UCHL3: variants seen among roughly 807,000 people sequenced by gnomAD.
UCHL3 encodes the protein ubiquitin C-terminal hydrolase L3.
A neutral mutation model predicts 35.8 loss-of-function variants in UCHL3; 22 were observed. That is an observed-to-expected ratio of 0.61 (90% CI 0.44 to 0.88). The LOEUF is 0.88. UCHL3 is among the 40% of genes least tolerant of loss of function. The probability of loss-of-function intolerance (pLI) is 0.00; values close to 1 mark genes in which losing one functional copy is unlikely to be tolerated. For missense variants in UCHL3, 229 were observed against 276.9 expected (o/e 0.83, Z 1.23); for synonymous variants, 90 against 92.8 (o/e 0.97, Z 0.17).
At chr13:75,593,125 C>A (rs1007239609) in intron 6 of UCHL3, among the ~76,000 whole-genome samples, 1 of 152,046 alleles carries the variant, frequency 6.6e-6, no homozygotes, top group East Asian at 1.9e-4. Flanking sequence ...TTTATGAAAG[C>A]ATAAAGTTTA....
At chr13:75,567,149 C>T (rs2031710661) in intron 4 of UCHL3, 78 bp from the exon 5 acceptor site, 2 of 1,294,638 alleles carry the variant, frequency 1.5e-6, no homozygotes, top group Non-Finnish European at 2.2e-6. Flanking sequence ...AAAATAGTAG[C>T]ATACTTCTAG....
intron 3 of UCHL3, among the ~76,000 whole-genome samples, chr13:75,564,036 G>A (rs745318079): frequency 2.6e-5 from 4 of 151,978 alleles, no homozygotes; most frequent in Non-Finnish European, 4.4e-5. Context: ...TACATTCAGG[G>A]TACTATGGTC....
chr13:75,579,515 C>G (rs931832972), intron 6 of UCHL3, among the ~76,000 whole-genome samples: 2 of 151,964 alleles, frequency 1.3e-5, no homozygotes, highest in Non-Finnish European at 2.9e-5. Flanking sequence ...TAGAGGCCTT[C>G]CCTTTCCCCT....
chr13:75,600,210 A>G (rs888894131), intron 7 of UCHL3, among the ~76,000 whole-genome samples: 12 of 152,246 alleles, frequency 7.9e-5, no homozygotes, highest in African/African-American at 1.9e-4. Context: ...TCTCCATAAC[A>G]TAAAAGTGCA....
At chr13:75,574,269 T>C (rs1312469282) in intron 6 of UCHL3, among the ~76,000 whole-genome samples, 2 of 152,074 alleles carry the variant, frequency 1.3e-5, no homozygotes, top group East Asian at 3.9e-4. Flanking sequence ...CACTGTTAAG[T>C]AGGTCCTTCT....
rs969697299 is a variant in UCHL3 at position 75,563,138 on chromosome 13, T to A, written c.183+2257T>A. The stretch of plus-strand genomic sequence containing the variant: ...TACCTCATTATCCTTTATGTATGTA[T>A]GTATGTATGTATGTATGTATGTATG... On this transcript the variant is annotated intron_variant, in intron 3 of 8. Coordinates refer to ENST00000377595, the MANE Select transcript of UCHL3 (RefSeq NM_006002.5). Among the ~76,000 whole-genome samples, 90 of 131,246 alleles carry A rather than the reference T, an allele frequency of 6.9e-4. 2 individuals are homozygous for A. In the East Asian group the frequency reaches 0.016, roughly 23 times the overall value. The allele number at this position is 131,246 out of a possible 152,430, so 86.1% of individuals were successfully genotyped here.
chr13:75,564,531 A>C (rs2031623980), intron 3 of UCHL3, among the ~76,000 whole-genome samples: 1 of 152,138 alleles, frequency 6.6e-6, no homozygotes, highest in Non-Finnish European at 1.5e-5. Flanking sequence ...TTGCTGGGTC[A>C]TATGGTAGTC....
chr13:75,599,525 G>A (rs185921434), intron 7 of UCHL3, among the ~76,000 whole-genome samples: 149 of 152,078 alleles, frequency 9.8e-4, no homozygotes, highest in Non-Finnish European at 1.8e-3. Context: ...TCTGTGTCAC[G>A]CTTTGGTAAT....
intron 7 of UCHL3, among the ~76,000 whole-genome samples, chr13:75,599,794 C>T (rs1305113015): frequency 2.0e-5 from 3 of 152,134 alleles, no homozygotes; most frequent in African/African-American, 4.8e-5. Flanking sequence ...CCTACAAAGG[C>T]CTGTAAGCAT....
At chr13:75,579,873 G>T (rs928937717) in intron 6 of UCHL3, among the ~76,000 whole-genome samples, 1 of 151,982 alleles carries the variant, frequency 6.6e-6, no homozygotes, top group African/African-American at 2.4e-5. Context: ...ACTTTATTTG[G>T]GGCTACTCTC....
chr13:75,579,978 A>G (rs2032134460), intron 6 of UCHL3, among the ~76,000 whole-genome samples: 1 of 152,168 alleles, frequency 6.6e-6, no homozygotes, highest in Admixed American at 6.5e-5. Flanking sequence ...CAGGTATTAT[A>G]TTAATAGATA....
intron 7 of UCHL3, among the ~76,000 whole-genome samples, chr13:75,596,579 T>C (rs544979170): frequency 3.3e-5 from 5 of 152,316 alleles, no homozygotes; most frequent in East Asian, 1.9e-4. Context: ...AGCAAACATA[T>C]GTAGGATTCA....
At chr13:75,586,693 G>A (rs1268340520) in intron 6 of UCHL3, among the ~76,000 whole-genome samples, 6 of 151,756 alleles carry the variant, frequency 4.0e-5, no homozygotes, top group Non-Finnish European at 8.8e-5. Context: ...TCATAGTGGA[G>A]TTAAACTACA....
chr13:75,558,900 G>C (rs1034999589), intron 2 of UCHL3, among the ~76,000 whole-genome samples: 2 of 152,138 alleles, frequency 1.3e-5, no homozygotes, highest in African/African-American at 2.4e-5. Context: ...AAAAAGCATA[G>C]ACTAGGAAGC....
At chr13:75,600,339 T>C (rs1364776515) in intron 7 of UCHL3, among the ~76,000 whole-genome samples, 2 of 152,220 alleles carry the variant, frequency 1.3e-5, no homozygotes, top group Non-Finnish European at 2.9e-5. Flanking sequence ...TAGCCTTCTC[T>C]TGGGAAGAAG....
At chr13:75,585,897 A>G (rs978645474) in intron 6 of UCHL3, among the ~76,000 whole-genome samples, 1 of 152,092 alleles carries the variant, frequency 6.6e-6, no homozygotes, top group African/African-American at 2.4e-5. Flanking sequence ...AGAAGCCCAC[A>G]GTACAGATAA....
intron 7 of UCHL3, among the ~76,000 whole-genome samples, chr13:75,601,035 T>C (rs1188673107): frequency 6.6e-6 from 1 of 152,150 alleles, no homozygotes; most frequent in Non-Finnish European, 1.5e-5. Flanking sequence ...ACTGCAGATA[T>C]CATGAAAATA....
At chr13:75,549,512 G>T (rs367633793), upstream of UCHL3, 2 of 368,668 alleles carry the variant, frequency 5.4e-6, no homozygotes, top group Non-Finnish European at 9.7e-6. Flanking sequence ...GCTCGGCAAG[G>T]CTCGGCTCGG....
chr13:75,594,070 C>T (rs1182926069), intron 6 of UCHL3, among the ~76,000 whole-genome samples: 2 of 152,162 alleles, frequency 1.3e-5, no homozygotes, highest in African/African-American at 4.8e-5. Flanking sequence ...ATAGCTAACT[C>T]ATATTAATAT....
Sources: allele counts gnomAD v4.1 joint callset (sites outside exome capture counted in the v4.1 genomes callset), GRCh38; gene constraint gnomAD v4.1.1; transcripts MANE v1.5; gene names NCBI Gene and HGNC (gene_info 2026-07-23, HGNC 2026-07-21).